Variants in WLS observed in about 807,000 individuals in gnomAD.
WLS encodes Wnt ligand secretion mediator.
WLS carries 23 observed loss-of-function variants against 62.8 expected under a neutral mutation model. The ratio of observed to expected loss-of-function variants is 0.37; its 90% CI spans 0.26 to 0.52. The LOEUF is 0.52. WLS is among the 20% of genes least tolerant of loss of function. WLS has a pLI of 0.92. For synonymous variants in WLS, 246 were observed against 244.1 expected, an observed-to-expected ratio of 1.01 and a Z score of -0.07; for missense variants, 615 against 697.3, an observed-to-expected ratio of 0.88 and a Z score of 1.33.
At chr1:68,162,680 T>C in intron 2 of WLS, 2 of 1,231,896 alleles carry the variant, frequency 1.6e-6, no homozygotes, top group South Asian at 2.5e-5. Flanking sequence ...TGGCAGATGG[T>C]AGAGTCCGGT....
intron 11 of WLS, among the ~76,000 whole-genome samples, chr1:68,108,107 T>C (rs1381377127): frequency 6.6e-6 from 1 of 152,186 alleles, no homozygotes; most frequent in Non-Finnish European, 1.5e-5. Flanking sequence ...ATTCCAGAGC[T>C]CTTTCCCATC....
intron 2 of WLS, chr1:68,162,515 A>T: frequency 1.9e-6 from 3 of 1,612,820 alleles, no homozygotes; most frequent in Non-Finnish European, 2.5e-6. Context: ...GCAACCGCCT[A>T]CCCCCTGCGA....
chr1:68,126,120 G>A lies in WLS; in HGVS notation c.*106C>T, dbSNP rs77829414. ...CTGGTCCAAGAAACCACAGCTAAGA[G>A]CCATGAGGCATTCATTTGTACATTG... On this transcript the variant is annotated 3_prime_UTR_variant, in exon 12 of 12. Transcript: ENST00000262348. The A allele has an allele frequency of 2.0e-4, 299 of 1,511,052 alleles. No homozygotes were observed. The African/African-American group carries it at 3.7e-3, about 19-fold the overall frequency. 93.6% of individuals were successfully genotyped at this position (1,511,052 alleles called of 1,614,324 possible).
chr1:68,189,929 A>G (rs1409247360), intron 2 of WLS, among the ~76,000 whole-genome samples: 1 of 152,222 alleles, frequency 6.6e-6, no homozygotes, highest in Non-Finnish European at 1.5e-5. Flanking sequence ...GAATCTCTTG[A>G]ACCCAGGAGG....
chr1:68,225,455 AAAGT>A, intron 1 of WLS, among the ~76,000 whole-genome samples: 1 of 152,300 alleles, frequency 6.6e-6, no homozygotes, highest in East Asian at 1.9e-4. Context: ...CTTCAGAGAA[AAAGT>A]AAGACCTAAA....
At chr1:68,126,587 ATAT>A (rs1646434493) in intron 11 of WLS, among the ~76,000 whole-genome samples, 1 of 152,164 alleles carries the variant, frequency 6.6e-6, no homozygotes, top group Non-Finnish European at 1.5e-5. Context: ...CTCACTGCTG[ATAT>A]TATTCATAGT....
intron 2 of WLS, among the ~76,000 whole-genome samples, chr1:68,188,060 A>T (rs1266651317): frequency 6.6e-6 from 1 of 152,240 alleles, no homozygotes; most frequent in African/African-American, 2.4e-5. Flanking sequence ...AAGATAATCC[A>T]GCACTTTCCT....
At chr1:68,160,447 G>A (rs1464405512) in intron 2 of WLS, among the ~76,000 whole-genome samples, 1 of 152,164 alleles carries the variant, frequency 6.6e-6, no homozygotes, top group East Asian at 1.9e-4. Context: ...GCATTCTTGA[G>A]TCTGGTTATG....
chr1:68,147,058 T>C (rs1203797221), intron 8 of WLS, among the ~76,000 whole-genome samples: 2 of 152,142 alleles, frequency 1.3e-5, no homozygotes, highest in Non-Finnish European at 2.9e-5. Flanking sequence ...GCCCAAATTG[T>C]CTATTTTTAA....
chr1:68,120,033 G>A (rs1346099596), intron 11 of WLS, among the ~76,000 whole-genome samples: 1 of 149,732 alleles, frequency 6.7e-6, no homozygotes, highest in Non-Finnish European at 1.5e-5. Context: ...CTGTCCAGAT[G>A]ATAAATGAAA....
intron 2 of WLS, among the ~76,000 whole-genome samples, chr1:68,173,390 GT>G (rs1429051000): frequency 6.6e-6 from 1 of 151,014 alleles, no homozygotes. Flanking sequence ...TTTGATCGTT[GT>G]GAAAATCTAC....
At chr1:68,153,289 T>C (rs1646851744) in intron 5 of WLS, among the ~76,000 whole-genome samples, 1 of 151,834 alleles carries the variant, frequency 6.6e-6, no homozygotes, top group South Asian at 2.1e-4. Flanking sequence ...AATAAATTAA[T>C]TAATTAAAAA....
At chr1:68,177,867 C>G (rs1647328395) in intron 2 of WLS, among the ~76,000 whole-genome samples, 1 of 152,174 alleles carries the variant, frequency 6.6e-6, no homozygotes, top group Admixed American at 6.5e-5. Context: ...ATACACTATT[C>G]TAGTTTAATC....
At chr1:68,152,476 G>T (rs143008448) in intron 5 of WLS, among the ~76,000 whole-genome samples, 20 of 152,334 alleles carry the variant, frequency 1.3e-4, no homozygotes, top group Non-Finnish European at 2.6e-4. Context: ...ATGACCAACA[G>T]AAGGGTAGAG....
chr1:68,150,211 T>A lies in WLS; in HGVS notation c.949A>T (p.Ile317Phe). Residue 317 changes from isoleucine to phenylalanine, a missense_variant, in exon 6 of 12, where the codon ATC (isoleucine) becomes TTC (phenylalanine). Transcript: ENST00000262348. ...FYAMLLSFWI[I>F]FCGEHMMDQH... ...ACCATCATGTGCTCGCCACAGAAGA[T>A]GATCCAGAAGGACAGAAGCATCGCA... 1 of 1,614,178 alleles carries A rather than the reference T, an allele frequency of 6.2e-7. No homozygotes were observed. Among genetic ancestry groups the A allele is most frequent in the South Asian group, 1.1e-5 (1 of 91,078 alleles).
At chr1:68,158,027 C>T (rs1386964993) in intron 3 of WLS, among the ~76,000 whole-genome samples, 1 of 152,192 alleles carries the variant, frequency 6.6e-6, no homozygotes, top group Non-Finnish European at 1.5e-5. Flanking sequence ...TCTAGTTTGT[C>T]TATCATTCAT....
chr1:68,201,251 T>TCTTAATA (rs1649000715), intron 1 of WLS, among the ~76,000 whole-genome samples: 1 of 152,198 alleles, frequency 6.6e-6, no homozygotes, highest in South Asian at 2.1e-4. Context: ...CCTAAAAAGA[T>TCTTAATA]TTCTTAATAT....
At chr1:68,146,891 C>CT (rs34797901) in intron 8 of WLS, among the ~76,000 whole-genome samples, 194 of 146,014 alleles carry the variant, frequency 1.3e-3, no homozygotes, top group East Asian at 3.4e-3. Flanking sequence ...CCCAAATTGC[C>CT]TTTTTTTTTT....
intron 1 of WLS, among the ~76,000 whole-genome samples, chr1:68,195,920 C>T (rs1648636083): frequency 2.0e-5 from 3 of 150,944 alleles, no homozygotes; most frequent in Non-Finnish European, 4.4e-5. Flanking sequence ...ATTGAACAGA[C>T]CCTCCCTTTT....
Sources: allele counts gnomAD v4.1 joint callset (sites outside exome capture counted in the v4.1 genomes callset), GRCh38; gene constraint gnomAD v4.1.1; transcripts MANE v1.5; gene names NCBI Gene and HGNC (gene_info 2026-07-23, HGNC 2026-07-21).